Variants in ADCY1 observed in about 807,000 individuals in gnomAD.
ADCY1 encodes adenylate cyclase 1, also known as adenylate cyclase type 1.
Under a neutral mutation model 105.4 loss-of-function variants are expected in ADCY1, and 28 were observed. The observed-to-expected ratio is 0.27, with a 90% CI of 0.20 to 0.36. The LOEUF (loss-of-function observed/expected upper bound fraction) is 0.36. ADCY1 is among the 10% of genes least tolerant of loss of function. The pLI is 1.00. For synonymous variants in ADCY1, 655 were observed against 623.8 expected (o/e 1.05, Z -0.75); for missense variants, 977 against 1,434.2 (o/e 0.68, Z 5.15).
chr7:45,686,156 C>G lies in ADCY1; in HGVS notation c.2268C>G (p.Leu756=). Residue 756 remains leucine, a synonymous_variant, in exon 13 of 20, where the codon CTC becomes CTG. Coordinates refer to ENST00000297323, the MANE Select transcript of ADCY1 (RefSeq NM_021116.4). The surrounding 1 kb of genome is among the most constrained non-coding windows in gnomAD (Gnocchi z 4.3). ...CCTCCTTGCCAAAAATGATCCTGCTCTCCGGGCTCACCACGTCCTACATCC... is the reference window on the plus strand; with the variant it reads ...CCTCCTTGCCAAAAATGATCCTGCTGTCCGGGCTCACCACGTCCTACATCC... ...RVSSLPKMIL[L]SGLTTSYILV... 1 of 1,614,196 alleles carries G rather than the reference C, an allele frequency of 6.2e-7. No homozygotes were observed. The highest frequency in any genetic ancestry group is 2.2e-5 in the East Asian group (1 of 44,880).
intron 8 of ADCY1, among the ~76,000 whole-genome samples, chr7:45,666,027 G>T (rs1181758035): frequency 6.6e-6 from 1 of 152,162 alleles, no homozygotes; most frequent in Non-Finnish European, 1.5e-5. Flanking sequence ...GTGCTCGCTC[G>T]CACCACTGAT....
chr7:45,710,516 G>C lies in ADCY1; in HGVS notation c.2933-12G>C, dbSNP rs1199701707. On this transcript the variant is annotated splice_polypyrimidine_tract_variant and intron_variant, in intron 18 of 19. Coordinates refer to ENST00000297323, the MANE Select transcript of ADCY1 (RefSeq NM_021116.4). The surrounding 1 kb of genome is among the most constrained non-coding windows in gnomAD (Gnocchi z 4.7). ...CCCGCTGATGACAGGTCATGCGCTG[G>C]CTGTTTTCTAGGCATCAATGTTGGC... The C allele has an allele frequency of 6.2e-7, 1 of 1,613,196 alleles. No individual in the cohort carries two copies. Among genetic ancestry groups the C allele is most frequent in the Non-Finnish European group, 8.5e-7 (1 of 1,179,584 alleles).
chr7:45,698,338 A>G (rs753272893), intron 14 of ADCY1, among the ~76,000 whole-genome samples: 2 of 152,202 alleles, frequency 1.3e-5, no homozygotes, highest in Non-Finnish European at 2.9e-5. Context: ...GAATTGTTCA[A>G]ATTTAAAATT....
At chr7:45,620,663 T>C (rs1470320260) in intron 3 of ADCY1, among the ~76,000 whole-genome samples, 1 of 152,084 alleles carries the variant, frequency 6.6e-6, no homozygotes, top group Non-Finnish European at 1.5e-5. Flanking sequence ...ACTAAAGATA[T>C]GAGAACAATT....
Position 45,660,899 on chromosome 7 carries a change from G to A in ADCY1, c.1449+716G>A, listed in dbSNP as rs1326995295. ...GGCTCAGGTGAGGTGTTCAGGGCTCGTGAGGATGCAGGGCTCAATTGAGGG... is the reference window on the plus strand; with the variant it reads ...GGCTCAGGTGAGGTGTTCAGGGCTCATGAGGATGCAGGGCTCAATTGAGGG... On this transcript the variant is annotated intron_variant, in intron 7 of 19. Coordinates refer to ENST00000297323, the MANE Select transcript of ADCY1 (RefSeq NM_021116.4). Among the ~76,000 whole-genome samples, 7 of 149,770 alleles carry A rather than the reference G, an allele frequency of 4.7e-5. No homozygotes were observed. The East Asian group carries it at 6.0e-4, about 13-fold the overall frequency.
chr7:45,683,056 T>C (rs1298714581), intron 11 of ADCY1, among the ~76,000 whole-genome samples: 2 of 152,124 alleles, frequency 1.3e-5, no homozygotes, highest in Non-Finnish European at 2.9e-5. Context: ...ACTTTGTTCA[T>C]GAGCCCATTG....
chr7:45,695,655 A>G (rs1000236657), intron 14 of ADCY1, among the ~76,000 whole-genome samples: 1 of 152,238 alleles, frequency 6.6e-6, no homozygotes, highest in Non-Finnish European at 1.5e-5. Flanking sequence ...GGTTAGAAGG[A>G]CGCAGCATAA....
At chr7:45,709,807 G>C (rs151211013) in intron 18 of ADCY1, among the ~76,000 whole-genome samples, 1 of 152,246 alleles carries the variant, frequency 6.6e-6, no homozygotes, top group Non-Finnish European at 1.5e-5. Context: ...TCCTGCCGAG[G>C]ACGGGCCAGG....
chr7:45,683,898 C>T (rs552930628), intron 11 of ADCY1, among the ~76,000 whole-genome samples: 5 of 152,348 alleles, frequency 3.3e-5, no homozygotes, highest in East Asian at 1.9e-4. Context: ...GTATGGCTCC[C>T]GCATGGGGGC....
chr7:45,712,208 TATTAA>T (rs1785272353), intron 19 of ADCY1, among the ~76,000 whole-genome samples: 2 of 143,806 alleles, frequency 1.4e-5, no homozygotes, highest in Non-Finnish European at 3.0e-5. Context: ...ATGTTAAATA[TATTAA>T]ATTAATATTA....
In ADCY1 at chr7:45,719,187, G is replaced by A. The variant is rs1247778299; in HGVS notation, c.*5192G>A. ...CAGCAGGGGGCAGAGCCCCAGCCAG[G>A]GCAGCTGCTTCCTGCACATAGACAT... On this transcript the variant is annotated 3_prime_UTR_variant, in exon 20 of 20. Transcript: ENST00000297323. The A allele has an allele frequency of 6.5e-6, 1 of 152,780 alleles. No individual in the cohort carries two copies. Among genetic ancestry groups the A allele is most frequent in the East Asian group, 1.9e-4 (1 of 5,194 alleles). 9.5% of individuals were successfully genotyped at this position (152,780 alleles called of 1,614,324 possible).
At chr7:45,606,553 T>C (rs1370974221) in intron 2 of ADCY1, among the ~76,000 whole-genome samples, 1 of 152,226 alleles carries the variant, frequency 6.6e-6, no homozygotes, top group Admixed American at 6.5e-5. Flanking sequence ...CTCACCTTTA[T>C]GTCATTTCTT....
rs1025113983 is a variant in ADCY1, at chr7:45,604,381, T to G, written c.790-5998T>G. On this transcript the variant is annotated intron_variant, in intron 2 of 19. Transcript: ENST00000297323. ...TGATGAGGTTTAATTCGCCAGTTTT[T>G]CCTTTTGTACTTTTGGTGTCAAGTC... Among the ~76,000 whole-genome samples the G allele has an allele frequency of 3.7e-4, 57 of 152,354 alleles. 1 individual carries two copies. The highest frequency in any genetic ancestry group is 1.3e-3 in the African/African-American group (55 of 41,580).
chr7:45,648,686 G>A lies in ADCY1; in HGVS notation c.1037G>A (p.Arg346His). ...DELATENHCR[R>H]IKILGDCYYC... ...TCCCTGAAGGAGAACCACTGTCGCC[G>A]CATCAAGATTCTCGGGGACTGCTAC... The change falls in exon 5 of 20, where the codon CGC becomes CAC. Residue 346 changes from arginine to histidine, a missense_variant. Physicochemically the swap from Arg to His is conservative, Grantham distance 29 (BLOSUM62 0). Around this residue, in one of 7 missense-constraint regions of ADCY1, gnomAD observed 196 missense variants for 347.8 expected, o/e 0.56. Coordinates refer to ENST00000297323, the MANE Select transcript of ADCY1 (RefSeq NM_021116.4). 1 of 1,614,112 alleles carries A rather than the reference G, an allele frequency of 6.2e-7. No individual in the cohort carries two copies. Among genetic ancestry groups the A allele is most frequent in the Non-Finnish European group, 8.5e-7 (1 of 1,179,992 alleles).
In ADCY1 at chr7:45,623,081, G is replaced by A. The variant is rs999397211; in HGVS notation, c.1020+338G>A. Among the ~76,000 whole-genome samples the A allele has an allele frequency of 2.6e-5, 4 of 152,324 alleles. No homozygotes were observed. The East Asian group carries it at 7.7e-4, about 29-fold the overall frequency. On this transcript the variant is annotated intron_variant, in intron 4 of 19. Transcript: ENST00000297323. Reference sequence around the variant, plus strand: ...CCTGCTGCCATTGTGTCCCACTGTAGACAGAGCTGGTGTTGCAATCCCTCG... The same window carrying A: ...CCTGCTGCCATTGTGTCCCACTGTAAACAGAGCTGGTGTTGCAATCCCTCG...
At chr7:45,598,897 C>T (rs181305305) in intron 2 of ADCY1, among the ~76,000 whole-genome samples, 23 of 152,272 alleles carry the variant, frequency 1.5e-4, no homozygotes, top group South Asian at 2.1e-4. Context: ...GTCACGTGGA[C>T]GGCAGGAAAA....
In ADCY1 at chr7:45,717,777, G is replaced by T. The variant is rs1327009043; in HGVS notation, c.*3782G>T. On this transcript the variant is annotated 3_prime_UTR_variant, in exon 20 of 20. Coordinates refer to ENST00000297323, the MANE Select transcript of ADCY1 (RefSeq NM_021116.4). ...CATGCCTGCGGGGTGTCTGTATCCT[G>T]CAGGAGGACGCCCCTACAGACCCAG... is the stretch of plus-strand genomic sequence containing the variant. 6.6e-6 allele frequency: 1 copy of T among 152,488 alleles called. No homozygotes were observed. Among genetic ancestry groups the T allele is most frequent in the African/African-American group, 2.4e-5 (1 of 41,446 alleles). 9.4% of individuals were successfully genotyped at this position (152,488 alleles called of 1,614,324 possible).
At position 45,708,369 on chromosome 7, in the gene ADCY1, C is replaced by T. The variant is rs758173136; in HGVS notation, c.2837C>T (p.Ser946Phe). 5 of 1,614,050 alleles carry T rather than the reference C, an allele frequency of 3.1e-6. No individual in the cohort carries two copies. Among genetic ancestry groups the T allele is most frequent in the Non-Finnish European group, 4.2e-6 (5 of 1,179,980 alleles). ...SGTKAKKSIS[S>F]HLSTLADFAI... ...ACCTAGGCTAAGAAGTCCATCTCCTCCCACCTGAGCACGCTGGCGGACTTT... is the reference window on the plus strand; with the variant it reads ...ACCTAGGCTAAGAAGTCCATCTCCTTCCACCTGAGCACGCTGGCGGACTTT... The change falls in exon 18 of 20, where the codon TCC becomes TTC. Residue 946 changes from serine (S) to phenylalanine (F), a missense_variant. Coordinates refer to ENST00000297323, the MANE Select transcript of ADCY1 (RefSeq NM_021116.4). The surrounding 1 kb of genome is among the most constrained non-coding windows in gnomAD (Gnocchi z 4.7).
intron 8 of ADCY1, among the ~76,000 whole-genome samples, chr7:45,664,890 C>T (rs576531398): frequency 6.6e-6 from 1 of 152,258 alleles, no homozygotes; most frequent in African/African-American, 2.4e-5. Context: ...TTTTAAGTCC[C>T]GCATGCATTA....
Sources: gnomAD v4.1 joint callset for allele counts (sites outside exome capture counted in the v4.1 genomes callset) on GRCh38, gnomAD v4.1.1 for gene constraint, gnomAD v4.1.1 regional missense constraint, Gnocchi (gnomAD v3.1) non-coding constraint, MANE v1.5 for transcripts, NCBI Gene and HGNC (gene_info 2026-07-23, HGNC 2026-07-21) for gene names.